Variants in SESTD1 observed in about 807,000 individuals in gnomAD.
SESTD1 encodes the protein SEC14 domain and spectrin repeat-containing protein 1.
SESTD1 carries 43 observed loss-of-function variants against 101.7 expected under a neutral mutation model. That is an observed-to-expected ratio of 0.42 (90% CI 0.33 to 0.55). SESTD1 has a LOEUF of 0.55. SESTD1 is among the 20% of genes least tolerant of loss of function. The pLI is 0.07. For missense variants in SESTD1, 647 were observed against 815.1 expected (o/e 0.79, Z 2.51); for synonymous variants, 283 against 286.8 (o/e 0.99, Z 0.13).
chr2:179,176,387 T>G, intron 4 of SESTD1, 61 bp downstream of exon 4: 1 of 1,323,818 alleles, frequency 7.6e-7, no homozygotes, highest in South Asian at 1.2e-5. Context: ...ATTTGCCATT[T>G]TCACCAGGAT....
intron 4 of SESTD1, 32 bp from the exon 5 acceptor site, chr2:179,172,265 C>T (rs769017606): frequency 4.2e-5 from 59 of 1,390,200 alleles, no homozygotes; most frequent in Non-Finnish European, 5.6e-5. Context: ...TTACAAATTA[C>T]ACATGTAAAA....
chr2:179,241,056 C>T (rs977381426), intron 1 of SESTD1, among the ~76,000 whole-genome samples: 3 of 151,536 alleles, frequency 2.0e-5, no homozygotes, highest in Non-Finnish European at 4.4e-5. Flanking sequence ...AACTTTAGAA[C>T]CAAAAAATAC....
intron 1 of SESTD1, among the ~76,000 whole-genome samples, chr2:179,252,956 C>A (rs182405590): frequency 1.3e-5 from 2 of 152,274 alleles, no homozygotes; most frequent in East Asian, 3.9e-4. Flanking sequence ...CCCCAGGAAT[C>A]TGTTCTCCAT....
chr2:179,232,482 G>C (rs2047001926), intron 1 of SESTD1, among the ~76,000 whole-genome samples: 1 of 151,898 alleles, frequency 6.6e-6, no homozygotes, highest in Non-Finnish European at 1.5e-5. Context: ...AGAAAAAAAA[G>C]AGAAAGCACA....
intron 1 of SESTD1, among the ~76,000 whole-genome samples, chr2:179,193,787 C>A (rs1258998057): frequency 6.6e-6 from 1 of 152,160 alleles, no homozygotes; most frequent in Non-Finnish European, 1.5e-5. Flanking sequence ...ATGGATAAAT[C>A]TGACCCTCAG....
chr2:179,236,367 C>T (rs1185485400), intron 1 of SESTD1, among the ~76,000 whole-genome samples: 2 of 139,136 alleles, frequency 1.4e-5, no homozygotes, highest in Non-Finnish European at 3.1e-5. Context: ...CATGGTAGCA[C>T]ATGTCTACAG....
chr2:179,210,853 G>A (rs2046641861), intron 1 of SESTD1, among the ~76,000 whole-genome samples: 1 of 134,216 alleles, frequency 7.5e-6, no homozygotes, highest in Non-Finnish European at 1.6e-5. Flanking sequence ...ACAAGAGAAA[G>A]AAATAAACGG....
chr2:179,106,412 T>C lies in SESTD1; in HGVS notation c.*3487A>G, dbSNP rs781314899. On this transcript the variant is annotated 3_prime_UTR_variant, in exon 18 of 18. Transcript: ENST00000428443. ...TATTAGCAAGTAACTTACAATGTAG[T>C]AGAGAATTCTGAACTATTTCTTCAA... 1.3e-5 allele frequency: 2 copies of C among 152,152 alleles called. No homozygotes were observed. Among genetic ancestry groups the C allele is most frequent in the Non-Finnish European group, 2.9e-5 (2 of 68,020 alleles). The allele number at this position is 152,152 out of a possible 1,614,324, so 9.4% of individuals were successfully genotyped here. A position where few individuals can be genotyped will look rare whatever the true frequency, so the allele number is the denominator to read the frequency against.
chr2:179,247,621 G>A (rs1328334142), intron 1 of SESTD1, among the ~76,000 whole-genome samples: 3 of 144,174 alleles, frequency 2.1e-5, no homozygotes, highest in Non-Finnish European at 4.6e-5. Flanking sequence ...TTCTTTTTTT[G>A]TAGAGACAAG....
Position 179,183,162 on chromosome 2 carries a change from T to G in SESTD1, c.82A>C (p.Ile28Leu). 1 of 1,611,848 alleles carries G rather than the reference T, an allele frequency of 6.2e-7. No individual in the cohort carries two copies. The highest frequency in any genetic ancestry group is 8.5e-7 in the Non-Finnish European group (1 of 1,178,834). ...SGGKDRRSGL[I>L]LTIPLCLEQT... Reference sequence around the variant, plus strand: ...TCGAGGCATAATGGAATTGTCAAAATGAGGCCACTCCGTCTGTCTTTTCCT... The same window carrying G: ...TCGAGGCATAATGGAATTGTCAAAAGGAGGCCACTCCGTCTGTCTTTTCCT... Residue 28 changes from isoleucine (I) to leucine (L), a missense_variant, in exon 3 of 18, where the codon ATT becomes CTT. Ile to Leu is a conservative substitution (Grantham distance 5). Around this residue, in one of 3 missense-constraint regions of SESTD1, gnomAD observed 168 missense variants for 235.1 expected, o/e 0.71. Transcript: ENST00000428443.
At position 179,207,032 on chromosome 2, in the gene SESTD1, A is replaced by T. The variant is rs896976070; in HGVS notation, c.-25-15166T>A. Among the ~76,000 whole-genome samples, 11 of 133,450 alleles carry T rather than the reference A, an allele frequency of 8.2e-5. 3 individuals carry two copies. Among genetic ancestry groups the T allele is most frequent in the Non-Finnish European group, 1.4e-4 (9 of 62,274 alleles). The allele number at this position is 133,450 out of a possible 152,430, so 87.5% of individuals were successfully genotyped here. On this transcript the variant is annotated intron_variant, in intron 1 of 17. Coordinates refer to ENST00000428443, the MANE Select transcript of SESTD1 (RefSeq NM_178123.5). The stretch of plus-strand genomic sequence containing the variant: ...CTGAGAACCACCCACCATCCCCCAA[A>T]GTGACCACAGAAACCCCCACCCAAA...
intron 1 of SESTD1, among the ~76,000 whole-genome samples, chr2:179,198,977 G>A (rs2046452818): frequency 6.6e-6 from 1 of 152,118 alleles, no homozygotes; most frequent in Non-Finnish European, 1.5e-5. Flanking sequence ...GAAGGAAATA[G>A]AGACACAAAA....
rs147293612 is a variant in SESTD1 at position 179,117,137 on chromosome 2, A to G, written c.1525-347T>C. 1.4e-3 allele frequency among the ~76,000 whole-genome samples: 219 copies of G among 152,326 alleles called. 1 individual carries two copies. Among genetic ancestry groups the G allele is most frequent in the African/African-American group, 5.1e-3 (214 of 41,580 alleles). ...AAAATTTTATCTATATCTAACTGAAATGATGTTCTCTGATGATAACGACAA... is the reference window on the plus strand; with the variant it reads ...AAAATTTTATCTATATCTAACTGAAGTGATGTTCTCTGATGATAACGACAA... On this transcript the variant is annotated intron_variant, in intron 14 of 17. Transcript: ENST00000428443.
At chr2:179,213,319 T>C (rs1305477396) in intron 1 of SESTD1, among the ~76,000 whole-genome samples, 2 of 134,782 alleles carry the variant, frequency 1.5e-5, no homozygotes, top group Non-Finnish European at 3.2e-5. Context: ...CTGATGGAGC[T>C]GAAAACCATG....
At chr2:179,185,722 C>T (rs116260119) in intron 2 of SESTD1, among the ~76,000 whole-genome samples, 2,756 of 56,640 alleles carry the variant, frequency 0.049, 58 homozygotes, top group Non-Finnish European at 0.091. Context: ...TATAATATAG[C>T]ATATTATATA....
intron 15 of SESTD1, among the ~76,000 whole-genome samples, chr2:179,116,273 TAAAA>T (rs371896290): frequency 2.2e-5 from 3 of 139,328 alleles, no homozygotes; most frequent in East Asian, 4.1e-4. Context: ...GACTGTGTCT[TAAAA>T]AAAAAAAAAA....
intron 5 of SESTD1, among the ~76,000 whole-genome samples, chr2:179,169,510 C>A (rs2045893529): frequency 6.6e-6 from 1 of 151,940 alleles, no homozygotes; most frequent in Non-Finnish European, 1.5e-5. Context: ...TGCAATATTC[C>A]TCTTTCAGTT....
At chr2:179,211,723 T>C (rs1048918472) in intron 1 of SESTD1, among the ~76,000 whole-genome samples, 1 of 134,306 alleles carries the variant, frequency 7.4e-6, no homozygotes, top group East Asian at 2.0e-4. Context: ...TGGATGCAGA[T>C]GGACACCATT....
In SESTD1 at chr2:179,234,423, G is replaced by T. The variant is rs569865445; in HGVS notation, c.-26+30076C>A. Among the ~76,000 whole-genome samples the T allele has an allele frequency of 3.9e-4, 60 of 152,286 alleles. 1 individual carries two copies. In the South Asian group the frequency reaches 7.7e-3, roughly 19 times the overall value. ...ATTAGGGCTGCTTGAAAATATGACA[G>T]ATTTCAAGGCTGGATAAGGTAAGTA... is the stretch of plus-strand genomic sequence containing the variant. On this transcript the variant is annotated intron_variant, in intron 1 of 17. Coordinates refer to ENST00000428443, the MANE Select transcript of SESTD1 (RefSeq NM_178123.5).
Sources: gnomAD v4.1 joint callset for allele counts (sites outside exome capture counted in the v4.1 genomes callset) on GRCh38, gnomAD v4.1.1 for gene constraint, gnomAD v4.1.1 regional missense constraint, MANE v1.5 for transcripts, NCBI Gene and HGNC (gene_info 2026-07-23, HGNC 2026-07-21) for gene names.